The following GARRE1 variants were observed in gnomAD, a reference collection of about 807,000 sequenced individuals.
GARRE1 encodes the protein granule associated Rac and RHOG effector protein 1.
A neutral mutation model predicts 103.2 loss-of-function variants in GARRE1; 49 were observed. The observed-to-expected ratio is 0.47, with a 90% CI of 0.38 to 0.60. The LOEUF (loss-of-function observed/expected upper bound fraction) is 0.60. Ranked by LOEUF, GARRE1 falls within the 20% of genes least tolerant of loss-of-function variation. The pLI is 0.00. For missense variants in GARRE1, 1,199 were observed against 1,370.5 expected, an observed-to-expected ratio of 0.87 and a Z score of 1.98; for synonymous variants, 505 against 532.8, an observed-to-expected ratio of 0.95 and a Z score of 0.72.
At chr19:34,263,029 A>G (rs933697432) in intron 1 of GARRE1, among the ~76,000 whole-genome samples, 2 of 152,042 alleles carry the variant, frequency 1.3e-5, no homozygotes, top group African/African-American at 4.8e-5. Flanking sequence ...GCCTGACAAC[A>G]TGGTGAAACC....
At chr19:34,268,066 G>A (rs1353033212) in intron 1 of GARRE1, among the ~76,000 whole-genome samples, 1 of 150,850 alleles carries the variant, frequency 6.6e-6, no homozygotes, top group African/African-American at 2.4e-5. Flanking sequence ...ACCACTGCAC[G>A]TGGTGCTTTG....
At chr19:34,320,827 A>C (rs1599771709) in intron 3 of GARRE1, among the ~76,000 whole-genome samples, 1 of 145,554 alleles carries the variant, frequency 6.9e-6, no homozygotes, top group Non-Finnish European at 1.5e-5. Context: ...CTCAAGAGAT[A>C]CTCCCACCTC....
intron 1 of GARRE1, among the ~76,000 whole-genome samples, chr19:34,271,240 ACTTT>A (rs1454262012): frequency 7.1e-6 from 1 of 140,936 alleles, no homozygotes; most frequent in Non-Finnish European, 1.5e-5. Context: ...CCTTCTGTGC[ACTTT>A]CTTTTTTTTT....
rs1758939662 is a variant in GARRE1 at position 34,342,328 on chromosome 19, G to T, written c.2394G>T (p.Met798Ile). Residue 798 changes from methionine to isoleucine, a missense_variant, in exon 10 of 14, where the codon ATG becomes ATT. Transcript: ENST00000299505. ...GCTTGGGTCTGGTGAGCAGCTATAT[G>T]GATAATGTGATGTCAGAGGTTCTGG... is the stretch of plus-strand genomic sequence containing the variant. The part of the protein sequence containing the change: ...LYSLGLVSSY[M>I]DNVMSEVLGQ... The T allele has an allele frequency of 6.2e-7, 1 of 1,614,042 alleles. No individual in the cohort carries two copies. Among genetic ancestry groups the T allele is most frequent in the Non-Finnish European group, 8.5e-7 (1 of 1,180,036 alleles).
intron 2 of GARRE1, among the ~76,000 whole-genome samples, chr19:34,314,675 C>T (rs917725906): frequency 2.0e-5 from 3 of 152,184 alleles, no homozygotes; most frequent in Non-Finnish European, 4.4e-5. Flanking sequence ...CTTTCTCCCT[C>T]GTTTGTTCTA....
chr19:34,318,162 C>CT (rs1405857547), intron 2 of GARRE1, among the ~76,000 whole-genome samples: 1 of 152,172 alleles, frequency 6.6e-6, no homozygotes. Flanking sequence ...AAGTGTCTTG[C>CT]TGGGAACTGG....
In GARRE1 at chr19:34,300,385, C is replaced by T. The variant is rs1344063422; in HGVS notation, c.-89C>T. 1 of 1,446,224 alleles carries T rather than the reference C, an allele frequency of 6.9e-7. No homozygotes were observed. Among genetic ancestry groups the T allele is most frequent in the African/African-American group, 1.4e-5 (1 of 70,708 alleles). 89.6% of individuals were successfully genotyped at this position (1,446,224 alleles called of 1,614,324 possible). On this transcript the variant is annotated 5_prime_UTR_variant, in exon 2 of 14. Transcript: ENST00000299505. ...TTTTAAAACTTCGATTTGCAGAACT[C>T]CACTATTTTTATACCTAGCTACAGT...
At chr19:34,263,481 T>C (rs1309966181) in intron 1 of GARRE1, among the ~76,000 whole-genome samples, 3 of 151,390 alleles carry the variant, frequency 2.0e-5, no homozygotes, top group African/African-American at 7.3e-5. Flanking sequence ...TTCTTTTTTT[T>C]CTTTTTTTTT....
At chr19:34,285,815 A>C (rs2145226345) in intron 1 of GARRE1, among the ~76,000 whole-genome samples, 1 of 152,260 alleles carries the variant, frequency 6.6e-6, no homozygotes, top group African/African-American at 2.4e-5. Context: ...ACATTTTAAA[A>C]AAATTCAACA....
chr19:34,293,786 C>G (rs1401000926), intron 1 of GARRE1, among the ~76,000 whole-genome samples: 2 of 93,436 alleles, frequency 2.1e-5, no homozygotes, highest in Non-Finnish European at 3.9e-5. Context: ...TGAGACGGAG[C>G]CTTACTCTGT....
intron 1 of GARRE1, among the ~76,000 whole-genome samples, chr19:34,263,303 T>C (rs554820097): frequency 1.5e-4 from 19 of 125,052 alleles, no homozygotes; most frequent in Admixed American, 4.1e-4. Flanking sequence ...TAGATAGATA[T>C]ACATGAAATA....
intron 1 of GARRE1, among the ~76,000 whole-genome samples, chr19:34,259,841 T>G (rs2073704474): frequency 6.6e-6 from 1 of 152,150 alleles, no homozygotes; most frequent in Non-Finnish European, 1.5e-5. Flanking sequence ...ATATGAGCAG[T>G]TTCCCCCATG....
chr19:34,255,057 G>C (rs1293367895), intron 1 of GARRE1, among the ~76,000 whole-genome samples: 1 of 151,972 alleles, frequency 6.6e-6, no homozygotes, highest in African/African-American at 2.4e-5. Context: ...GGGGCTAGCC[G>C]GGGAGGCGGC....
At chr19:34,327,281 A>T in intron 3 of GARRE1, 140 bp from the exon 4 acceptor site, 2 of 755,282 alleles carry the variant, frequency 2.6e-6, no homozygotes, top group Non-Finnish European at 4.1e-6. Context: ...CAAACAATCT[A>T]GAACTTCTAG....
intron 7 of GARRE1, among the ~76,000 whole-genome samples, chr19:34,331,328 G>C (rs1568308551): frequency 6.6e-6 from 1 of 152,046 alleles, no homozygotes; most frequent in Non-Finnish European, 1.5e-5. Flanking sequence ...TCCCAGGCCT[G>C]TGCTCTTGAT....
At chr19:34,296,836 G>T (rs552746292) in intron 1 of GARRE1, among the ~76,000 whole-genome samples, 1 of 152,086 alleles carries the variant, frequency 6.6e-6, no homozygotes, top group Non-Finnish European at 1.5e-5. Flanking sequence ...TGGGGACAGA[G>T]TCTTGCAGTG....
intron 9 of GARRE1, among the ~76,000 whole-genome samples, chr19:34,341,167 GCCA>G (rs1296799216): frequency 6.6e-6 from 1 of 152,068 alleles, no homozygotes; most frequent in Non-Finnish European, 1.5e-5. Flanking sequence ...CCCCTCCTGT[GCCA>G]CCATTAGAGG....
At chr19:34,296,666 T>G (rs2073949302) in intron 1 of GARRE1, 4 of 925,408 alleles carry the variant, frequency 4.3e-6, no homozygotes. Flanking sequence ...ATCTTTGTGA[T>G]CGGGGTTTCT....
At chr19:34,309,780 T>C (rs1477131079) in intron 2 of GARRE1, among the ~76,000 whole-genome samples, 1 of 152,180 alleles carries the variant, frequency 6.6e-6, no homozygotes, top group Non-Finnish European at 1.5e-5. Flanking sequence ...GAGTACCCAA[T>C]AAATAACTCC....
Sources: gnomAD v4.1 joint callset for allele counts (sites outside exome capture counted in the v4.1 genomes callset) on GRCh38, gnomAD v4.1.1 for gene constraint, MANE v1.5 for transcripts, NCBI Gene and HGNC (gene_info 2026-07-23, HGNC 2026-07-21) for gene names.